Variants in EYS observed in about 807,000 individuals in gnomAD.
The protein encoded by EYS is protein eyes shut homolog.
Under a neutral mutation model 282.1 loss-of-function variants are expected in EYS, and 250 were observed. That is an observed-to-expected ratio of 0.89 (90% CI 0.80 to 0.98). The LOEUF (loss-of-function observed/expected upper bound fraction) is 0.98. EYS is among the 50% of genes least tolerant of loss of function. The pLI is 0.00. For synonymous variants in EYS, 1,355 were observed against 1,282.9 expected (o/e 1.06, Z -1.20); for missense variants, 4,016 against 3,709.0 (o/e 1.08, Z -2.15).
chr6:64,557,627 A>G (rs183872098), intron 26 of EYS, among the ~76,000 whole-genome samples: 1 of 152,068 alleles, frequency 6.6e-6, no homozygotes, highest in Non-Finnish European at 1.5e-5. Context: ...AATAAACCAC[A>G]GTGATATATG....
intron 33 of EYS, among the ~76,000 whole-genome samples, chr6:64,035,623 G>A (rs1391020987): frequency 1.3e-5 from 2 of 152,156 alleles, no homozygotes; most frequent in African/African-American, 4.8e-5. Flanking sequence ...CTACATCCCT[G>A]AAAATGTGCA....
intron 11 of EYS, among the ~76,000 whole-genome samples, chr6:65,334,024 A>G (rs1380048646): frequency 6.6e-6 from 1 of 151,684 alleles, no homozygotes; most frequent in African/African-American, 2.4e-5. Flanking sequence ...TATCTTCTAT[A>G]GATCATATAT....
intron 1 of EYS, among the ~76,000 whole-genome samples, chr6:65,679,079 C>A (rs1251021648): frequency 6.6e-6 from 1 of 151,804 alleles, no homozygotes; most frequent in East Asian, 1.9e-4. Flanking sequence ...CGTGCTGGGG[C>A]TATAAGAAAT....
chr6:65,023,780 G>A (rs867390853), intron 13 of EYS, among the ~76,000 whole-genome samples: 7 of 152,172 alleles, frequency 4.6e-5, no homozygotes, highest in African/African-American at 1.7e-4. Context: ...TGTAGTGCAG[G>A]GCAATAATAA....
At chr6:65,424,080 G>A (rs146323768) in intron 5 of EYS, among the ~76,000 whole-genome samples, 2 of 151,830 alleles carry the variant, frequency 1.3e-5, no homozygotes, top group African/African-American at 2.4e-5. Context: ...TGAATTTAAC[G>A]TGAAATTTGT....
intron 24 of EYS, among the ~76,000 whole-genome samples, chr6:64,614,599 C>T (rs1373847249): frequency 6.6e-6 from 1 of 152,012 alleles, no homozygotes; most frequent in African/African-American, 2.4e-5. Flanking sequence ...TTACGATAAA[C>T]CCATCAAAAG....
chr6:63,968,881 C>T (rs944531134), intron 35 of EYS, among the ~76,000 whole-genome samples: 1 of 152,196 alleles, frequency 6.6e-6, no homozygotes, highest in African/African-American at 2.4e-5. Flanking sequence ...AATGCAAATC[C>T]AAAAGGAGAA....
chr6:65,459,968 T>TTATA (rs34762215), intron 5 of EYS, among the ~76,000 whole-genome samples: 3,619 of 80,280 alleles, frequency 0.045, 83 homozygotes, highest in Non-Finnish European at 0.066. Context: ...TTTGTGTATT[T>TTATA]TATATATATA....
intron 13 of EYS, among the ~76,000 whole-genome samples, chr6:65,037,386 AATCT>A (rs1772801966): frequency 6.6e-6 from 1 of 151,756 alleles, no homozygotes; most frequent in Non-Finnish European, 1.5e-5. Context: ...GTGATGAAAT[AATCT>A]ATCTGTACAC....
At chr6:64,892,012 C>G (rs183256986) in intron 18 of EYS, among the ~76,000 whole-genome samples, 10 of 151,852 alleles carry the variant, frequency 6.6e-5, no homozygotes, top group Admixed American at 3.9e-4. Context: ...GTTCAAGATA[C>G]TTTTTCAATC....
At chr6:63,989,119 G>A (rs573106407) in intron 34 of EYS, among the ~76,000 whole-genome samples, 3 of 151,496 alleles carry the variant, frequency 2.0e-5, no homozygotes, top group Non-Finnish European at 3.0e-5. Flanking sequence ...AATATGGAGA[G>A]GTGATTATAA....
chr6:65,390,523 C>T (rs1243055084), intron 7 of EYS, among the ~76,000 whole-genome samples: 1 of 151,580 alleles, frequency 6.6e-6, no homozygotes, highest in Non-Finnish European at 1.5e-5. Context: ...TGAATAGTGA[C>T]CAACTCAGAA....
intron 40 of EYS, among the ~76,000 whole-genome samples, chr6:63,764,384 A>T (rs1769729969): frequency 6.6e-6 from 1 of 152,100 alleles, no homozygotes; most frequent in Non-Finnish European, 1.5e-5. Context: ...AAGATCACAA[A>T]GAGTATAGAA....
chr6:64,847,354 T>A (rs1182324418), intron 19 of EYS, among the ~76,000 whole-genome samples: 8 of 152,044 alleles, frequency 5.3e-5, no homozygotes, highest in Non-Finnish European at 1.0e-4. Context: ...TAAATGTTAA[T>A]GCCAATCAAA....
At chr6:65,274,835 G>C (rs577620111) in intron 12 of EYS, among the ~76,000 whole-genome samples, 20 of 151,818 alleles carry the variant, frequency 1.3e-4, no homozygotes, top group African/African-American at 2.2e-4. Flanking sequence ...GGGGTCCATA[G>C]GTCCTGTCAA....
chr6:65,196,108 A>AT (rs1305935431), intron 12 of EYS, among the ~76,000 whole-genome samples: 1 of 151,990 alleles, frequency 6.6e-6, no homozygotes, highest in African/African-American at 2.4e-5. Context: ...TCCCATTTAT[A>AT]TTTTTTGCTA....
Position 65,511,839 on chromosome 6 carries a change from C to T in EYS, c.-332-15846G>A, listed in dbSNP as rs116846536. On this transcript the variant is annotated intron_variant, in intron 2 of 42. Coordinates refer to ENST00000503581, the MANE Select transcript of EYS (RefSeq NM_001142800.2). Reference sequence around the variant, plus strand: ...GTGATGGCACACACTCCTATAATCTCAGCTACTTGAGAGGTCCTATAATCT... The same window carrying T: ...GTGATGGCACACACTCCTATAATCTTAGCTACTTGAGAGGTCCTATAATCT... 2.0e-4 allele frequency among the ~76,000 whole-genome samples: 30 copies of T among 151,870 alleles called. No homozygotes were observed. The East Asian group carries it at 5.4e-3, about 28-fold the overall frequency.
rs559761074 is a variant in EYS, at chr6:65,522,075, G to A, written c.-332-26082C>T. 5.9e-5 allele frequency among the ~76,000 whole-genome samples: 9 copies of A among 151,972 alleles called. No homozygotes were observed. In the South Asian group the frequency reaches 6.2e-4, roughly 11 times the overall value. On this transcript the variant is annotated intron_variant, in intron 2 of 42. Coordinates refer to ENST00000503581, the MANE Select transcript of EYS (RefSeq NM_001142800.2). ...TACAATTCTATCAAATCTTGGTGACGTGTTATACTTTCATCAGCACTTGCA... is the reference window on the plus strand; with the variant it reads ...TACAATTCTATCAAATCTTGGTGACATGTTATACTTTCATCAGCACTTGCA...
intron 35 of EYS, among the ~76,000 whole-genome samples, chr6:63,961,787 T>C (rs924793770): frequency 2.6e-5 from 4 of 152,080 alleles, no homozygotes; most frequent in African/African-American, 9.7e-5. Context: ...TATTATCACA[T>C]TGGGTATACA....
Sources: allele counts gnomAD v4.1 joint callset (sites outside exome capture counted in the v4.1 genomes callset), GRCh38; gene constraint gnomAD v4.1.1; transcripts MANE v1.5; gene names NCBI Gene and HGNC (gene_info 2026-07-23, HGNC 2026-07-21).